The following GATA4 variants were observed in gnomAD, a reference collection of about 807,000 sequenced individuals.
GATA4 encodes transcription factor GATA-4.
Under a neutral mutation model 37.9 loss-of-function variants are expected in GATA4, and 7 were observed. The observed-to-expected ratio is 0.18, with a 90% CI of 0.11 to 0.35. GATA4 has a LOEUF of 0.35. Ranked by LOEUF, GATA4 falls within the 10% of genes least tolerant of loss-of-function variation. The probability of loss-of-function intolerance (pLI) is 1.00; values close to 1 mark genes in which losing one functional copy is unlikely to be tolerated. For missense variants in GATA4, 647 were observed against 653.0 expected, an observed-to-expected ratio of 0.99 and a Z score of 0.10; for synonymous variants, 372 against 292.6, an observed-to-expected ratio of 1.27 and a Z score of -2.77.
intron 1 of GATA4, among the ~76,000 whole-genome samples, chr8:11,680,102 A>G (rs1018912103): frequency 2.6e-5 from 4 of 152,110 alleles, no homozygotes; most frequent in African/African-American, 7.2e-5. Context: ...TTCCCAAGAG[A>G]GATTCCCACC....
chr8:11,748,706 C>T (rs1387440148), intron 2 of GATA4, among the ~76,000 whole-genome samples: 2 of 152,160 alleles, frequency 1.3e-5, no homozygotes, highest in African/African-American at 4.8e-5. Context: ...ACTTTTTCCT[C>T]TTCTCGTGCT....
chr8:11,706,670 T>C (rs907236982), intron 1 of GATA4, among the ~76,000 whole-genome samples: 3 of 152,172 alleles, frequency 2.0e-5, no homozygotes, highest in African/African-American at 7.2e-5. Context: ...AAAAGAAAAC[T>C]TTGTCGGGAG....
At chr8:11,680,908 C>G in intron 1 of GATA4, 1 of 985,386 alleles carries the variant, frequency 1.0e-6, no homozygotes, top group Non-Finnish European at 1.2e-6. Context: ...CCTAAAGAGG[C>G]CAAGGATCAC....
At chr8:11,687,977 T>C (rs1019127949), upstream of GATA4, among the ~76,000 whole-genome samples, 1 of 152,174 alleles carries the variant, frequency 6.6e-6, no homozygotes, top group African/African-American at 2.4e-5. Context: ...AAAAGTACCT[T>C]CTACCAAGCC....
upstream of GATA4, among the ~76,000 whole-genome samples, chr8:11,691,833 G>A (rs957646230): frequency 2.0e-5 from 3 of 151,764 alleles, no homozygotes; most frequent in African/African-American, 7.3e-5. Flanking sequence ...AAGACTACCT[G>A]TTTCCCAGTA....
rs759872773 is a variant in GATA4 at position 11,750,243 on chromosome 8, G to C, written c.912+7G>C. 5.6e-6 allele frequency: 9 copies of C among 1,612,124 alleles called. No individual in the cohort carries two copies. The highest frequency in any genetic ancestry group is 7.6e-6 in the Non-Finnish European group (9 of 1,180,034). Reference sequence around the variant, plus strand: ...CTACATGAAGCTCCACGGGGTACGTGGGTCCTGCGCCCATGCGGCATCCTT... The same window carrying C: ...CTACATGAAGCTCCACGGGGTACGTCGGTCCTGCGCCCATGCGGCATCCTT... On this transcript the variant is annotated splice_region_variant and intron_variant, in intron 4 of 6. Transcript: ENST00000532059.
upstream of GATA4, among the ~76,000 whole-genome samples, chr8:11,688,668 A>T (rs1273365902): frequency 1.3e-5 from 2 of 152,184 alleles, no homozygotes; most frequent in Non-Finnish European, 2.9e-5. Context: ...GCCTGGTGTG[A>T]CTAGGGGAGC....
intron 2 of GATA4, among the ~76,000 whole-genome samples, chr8:11,732,847 C>G (rs761573694): frequency 5.9e-5 from 9 of 152,226 alleles, no homozygotes; most frequent in Non-Finnish European, 1.3e-4. Flanking sequence ...ATATCCCCAA[C>G]TATAGAAAAC....
chr8:11,717,156 T>G (rs1800470121), intron 2 of GATA4, among the ~76,000 whole-genome samples: 1 of 152,202 alleles, frequency 6.6e-6, no homozygotes, highest in South Asian at 2.1e-4. Context: ...TAAGAGTAAT[T>G]TAATGGCTAT....
At chr8:11,680,744 G>T in intron 1 of GATA4, 3 of 985,356 alleles carry the variant, frequency 3.0e-6, no homozygotes, top group Non-Finnish European at 3.6e-6. Flanking sequence ...GGCGAGGAGA[G>T]CCCGGCTTCT....
rs868385168 is a variant in GATA4, at chr8:11,681,503, G to T, written c.-274+4440G>T. On this transcript the variant is annotated intron_variant, in intron 1 of 6. Coordinates refer to the GATA4 transcript ENST00000528712. ...GGGTGCGGCGCTCGCGGGGGGGGGG[G>T]GGGGGATGGGGTCGGTCCCTCTCGG... is the stretch of plus-strand genomic sequence containing the variant. The T allele has an allele frequency of 8.9e-5, 82 of 923,920 alleles. 7 individuals are homozygous for T. In the African/African-American group the frequency reaches 1.5e-3, roughly 17 times the overall value. 57.2% of individuals were successfully genotyped at this position (923,920 alleles called of 1,614,324 possible). A position where few individuals can be genotyped will look rare whatever the true frequency, so the allele number is the denominator to read the frequency against.
intron 2 of GATA4, among the ~76,000 whole-genome samples, chr8:11,746,099 G>GT: frequency 6.6e-6 from 1 of 152,280 alleles, no homozygotes; most frequent in East Asian, 1.9e-4. Flanking sequence ...GGGCAACACA[G>GT]TGAAACCTTG....
rs1180890884 is a variant in GATA4 at position 11,709,954 on chromosome 8, G to A, written c.616+1026G>A. 2.0e-5 allele frequency among the ~76,000 whole-genome samples: 3 copies of A among 152,210 alleles called. No individual in the cohort carries two copies. The highest frequency in any genetic ancestry group is 2.1e-4 in the South Asian group (1 of 4,826). On this transcript the variant is annotated intron_variant, in intron 2 of 6. Transcript: ENST00000532059. The surrounding 1 kb of genome is among the most constrained non-coding windows in gnomAD (Gnocchi z 4.3). Reference sequence around the variant, plus strand: ...TGAGTTTGGATTGAGCCCACCCTGTGGGGGAGGGGAAGCCCAGGCTTGAGA... The same window carrying A: ...TGAGTTTGGATTGAGCCCACCCTGTAGGGGAGGGGAAGCCCAGGCTTGAGA...
At chr8:11,687,551 T>A (rs548941663) in intron 1 of GATA4, among the ~76,000 whole-genome samples, 2 of 152,202 alleles carry the variant, frequency 1.3e-5, no homozygotes, top group African/African-American at 2.4e-5. Context: ...ACATCACATT[T>A]GAACCTCACA....
intron 3 of GATA4, 73 bp from the exon 4 acceptor site, chr8:11,750,038 C>T: frequency 6.2e-7 from 1 of 1,609,402 alleles, no homozygotes; most frequent in Non-Finnish European, 8.5e-7. Flanking sequence ...CCCAGCTCCG[C>T]AGCCACACGC....
chr8:11,727,228 T>C (rs1315914166), intron 2 of GATA4, among the ~76,000 whole-genome samples: 3 of 152,176 alleles, frequency 2.0e-5, no homozygotes, highest in Admixed American at 1.3e-4. Context: ...GGAATGTTGA[T>C]ATTGAGTTTC....
intron 2 of GATA4, among the ~76,000 whole-genome samples, chr8:11,722,596 T>G (rs1800726380): frequency 6.6e-6 from 1 of 152,228 alleles, no homozygotes; most frequent in Admixed American, 6.5e-5. Flanking sequence ...TCTCCTTGCA[T>G]TCTGTTTGCT....
intron 2 of GATA4, among the ~76,000 whole-genome samples, chr8:11,725,408 C>A (rs970385087): frequency 2.4e-4 from 36 of 152,254 alleles, no homozygotes; most frequent in Non-Finnish European, 4.6e-4. Flanking sequence ...GCTGGGGAAT[C>A]TGATTCCGTA....
chr8:11,697,859 C>A (rs1799551476), intron 1 of GATA4: 1 of 985,342 alleles, frequency 1.0e-6, no homozygotes, highest in African/African-American at 1.7e-5. Flanking sequence ...GAGGGAGCGG[C>A]CTTTGCGGAA....
Sources: gnomAD v4.1 joint callset for allele counts (sites outside exome capture counted in the v4.1 genomes callset) on GRCh38, gnomAD v4.1.1 for gene constraint, Gnocchi (gnomAD v3.1) non-coding constraint, MANE v1.5 for transcripts, NCBI Gene and HGNC (gene_info 2026-07-23, HGNC 2026-07-21) for gene names.